Variants in FKBP1C observed in about 807,000 individuals in gnomAD.
FKBP1C encodes FKBP prolyl isomerase family member 1C.
In FKBP1C, 7 loss-of-function variants were observed where a neutral mutation model predicts 7.1. That is an observed-to-expected ratio of 0.99 (90% CI 0.56 to 1.86). The LOEUF (loss-of-function observed/expected upper bound fraction) is 1.86. Among genes scored for constraint, FKBP1C ranks in the 40% most tolerant of loss-of-function variants. FKBP1C has a pLI of 0.00. For synonymous variants in FKBP1C, 56 were observed against 51.2 expected (o/e 1.09, Z -0.40); for missense variants, 159 against 139.9 (o/e 1.14, Z -0.69).
chr6:63,211,590 G>A (rs764126005), exon 1 of FKBP1C: 136 of 1,538,106 alleles, frequency 8.8e-5, no homozygotes, highest in Non-Finnish European at 1.2e-4. Flanking sequence ...CTCCCCAGGA[G>A]ACTGGCGCAC....
chr6:63,211,765 G>A, exon 1 of FKBP1C: 1 of 1,613,974 alleles, frequency 6.2e-7, no homozygotes, highest in Non-Finnish European at 8.5e-7. Flanking sequence ...ATGAGTGTGG[G>A]TCAGAGAGCC....
exon 1 of FKBP1C, chr6:63,212,151 G>T (rs1766114334): frequency 3.4e-6 from 2 of 587,196 alleles, no homozygotes; most frequent in African/African-American, 1.9e-5. Context: ...TTCATTTTGG[G>T]GTGAAGATTC....
At chr6:63,211,703 T>A in exon 1 of FKBP1C, 1 of 1,614,012 alleles carries the variant, frequency 6.2e-7, no homozygotes, top group Non-Finnish European at 8.5e-7. Flanking sequence ...CCTTTAAGTT[T>A]ATGCTAGGCA....
chr6:63,211,915 C>G (rs1380844681), exon 1 of FKBP1C: 1 of 1,610,312 alleles, frequency 6.2e-7, no homozygotes, highest in African/African-American at 1.3e-5. Flanking sequence ...GCTCCCTGTT[C>G]TTGGATCTGC....
chr6:63,212,023 G>A, exon 1 of FKBP1C: 2 of 950,546 alleles, frequency 2.1e-6, no homozygotes, highest in Non-Finnish European at 3.3e-6. Flanking sequence ...TGCCCCAACT[G>A]AATGTGTTCT....
At chr6:63,212,042 G>C (rs1451686594) in exon 1 of FKBP1C, 5 of 864,216 alleles carry the variant, frequency 5.8e-6, no homozygotes, top group African/African-American at 1.7e-5. Context: ...CTGTCACTCA[G>C]CTTTGCTTCC....
chr6:63,212,085 G>A (rs1766113239), exon 1 of FKBP1C: 2 of 653,640 alleles, frequency 3.1e-6, no homozygotes, highest in Admixed American at 2.8e-5. Flanking sequence ...CTTTCTCCTG[G>A]TATGTGCGTT....
exon 1 of FKBP1C, chr6:63,211,542 G>C: frequency 2.6e-6 from 3 of 1,133,260 alleles, no homozygotes. Context: ...CGCCCGCTCG[G>C]CGTCGGCCGC....
chr6:63,212,087 A>G (rs1241868763), exon 1 of FKBP1C: 3 of 649,202 alleles, frequency 4.6e-6, no homozygotes, highest in African/African-American at 1.8e-5. Flanking sequence ...TTCTCCTGGT[A>G]TGTGCGTTTA....
At chr6:63,212,068 T>C in exon 1 of FKBP1C, 1 of 685,606 alleles carries the variant, frequency 1.5e-6, no homozygotes, top group Non-Finnish European at 2.6e-6. Flanking sequence ...CTCTGTTTCC[T>C]CTTCCCCTTT....
exon 1 of FKBP1C, chr6:63,212,065 T>G: frequency 2.8e-6 from 2 of 703,778 alleles, no homozygotes; most frequent in Non-Finnish European, 4.9e-6. Flanking sequence ...CACCTCTGTT[T>G]CCTCTTCCCC....
chr6:63,211,836 C>T (rs1766109584), exon 1 of FKBP1C: 1 of 1,612,794 alleles, frequency 6.2e-7, no homozygotes, highest in Middle Eastern at 1.7e-4. Context: ...CATCATCCCA[C>T]CACATGCCAC....
At chr6:63,211,512 A>C (rs1031653883) in exon 1 of FKBP1C, 2 of 771,260 alleles carry the variant, frequency 2.6e-6, no homozygotes, top group African/African-American at 3.5e-5. Flanking sequence ...CTGTCGGTCC[A>C]CGCCGCCCGT....
exon 1 of FKBP1C, chr6:63,211,577 C>T: frequency 6.8e-7 from 1 of 1,481,242 alleles, no homozygotes; most frequent in Non-Finnish European, 9.4e-7. Flanking sequence ...ACGTGGAAAC[C>T]ATCTCCCCAG....
At chr6:63,212,270 G>T (rs1364312377) in exon 1 of FKBP1C, 8 of 275,650 alleles carry the variant, frequency 2.9e-5, no homozygotes, top group African/African-American at 1.6e-4. Flanking sequence ...GGGGTTGCAA[G>T]AATATTTTAT....
chr6:63,211,493 G>T lies in FKBP1C; in HGVS notation c.-64G>T, dbSNP rs145322889. The stretch of plus-strand genomic sequence containing the variant: ...GACTAGGCAGAGCCGTGGAACCGCC[G>T]CCAGGTCGCTGTCGGTCCACGCCGC... On this transcript the variant is annotated 5_prime_UTR_variant, in exon 1 of 1. Coordinates refer to ENST00000370659, the Ensembl canonical transcript of FKBP1C. The T allele has an allele frequency of 2.3e-3, 1,498 of 660,962 alleles. 14 individuals are homozygous for T. The highest frequency in any genetic ancestry group is 0.022 in the African/African-American group (1,211 of 54,996). 40.9% of individuals were successfully genotyped at this position (660,962 alleles called of 1,614,324 possible).
At chr6:63,211,551 G>A (rs79100944) in exon 1 of FKBP1C, 182,258 of 1,247,966 alleles carry the variant, frequency 0.15, 14,709 homozygotes, top group South Asian at 0.24. Flanking sequence ...GGCGTCGGCC[G>A]CCGCCATGGG....
At chr6:63,211,791 C>A in exon 1 of FKBP1C, 8 of 1,613,888 alleles carry the variant, frequency 5.0e-6, no homozygotes, top group Non-Finnish European at 6.8e-6. Flanking sequence ...GACTATATCT[C>A]CAGATTATGC....
chr6:63,211,717 A>G (rs1314459982), exon 1 of FKBP1C: 3 of 1,613,906 alleles, frequency 1.9e-6, no homozygotes, highest in Non-Finnish European at 2.5e-6. Context: ...CTAGGCAAGC[A>G]GGAGGTGATC....
Sources: gnomAD v4.1 joint callset for allele counts on GRCh38, gnomAD v4.1.1 for gene constraint, MANE v1.5 for transcripts, NCBI Gene and HGNC (gene_info 2026-07-23, HGNC 2026-07-21) for gene names.